Variants in GAS7 observed in about 807,000 individuals in gnomAD.
GAS7 encodes the protein growth arrest-specific protein 7.
A neutral mutation model predicts 71.1 loss-of-function variants in GAS7; 28 were observed. The observed-to-expected ratio is 0.39, with a 90% confidence interval of 0.29 to 0.54. The LOEUF is 0.54. Among genes scored for constraint, GAS7 ranks in the 20% least tolerant of loss-of-function variants. The probability of loss-of-function intolerance (pLI) is 0.62; values close to 1 mark genes in which losing one functional copy is unlikely to be tolerated. For synonymous variants in GAS7, 258 were observed against 245.8 expected, an observed-to-expected ratio of 1.05 and a Z score of -0.46; for missense variants, 436 against 627.8, an observed-to-expected ratio of 0.69 and a Z score of 3.27.
intron 5 of GAS7, among the ~76,000 whole-genome samples, chr17:9,954,432 C>T (rs544350146): frequency 3.4e-4 from 50 of 147,768 alleles, no homozygotes; most frequent in Non-Finnish European, 6.1e-4. Flanking sequence ...GGAGGGAGAA[C>T]GTGACTGTGG....
chr17:10,123,958 C>T (rs2073924559), intron 1 of GAS7, among the ~76,000 whole-genome samples: 1 of 152,254 alleles, frequency 6.6e-6, no homozygotes, highest in African/African-American at 2.4e-5. Context: ...GGCAGGCAGC[C>T]AGGGCCCACT....
At chr17:10,137,996 T>A (rs1473155553) in intron 1 of GAS7, among the ~76,000 whole-genome samples, 1 of 151,382 alleles carries the variant, frequency 6.6e-6, no homozygotes, top group Non-Finnish European at 1.5e-5. Flanking sequence ...GAGTCTTGCT[T>A]CTGTTGCCCA....
chr17:10,119,361 G>A (rs993325934), intron 1 of GAS7, among the ~76,000 whole-genome samples: 4 of 152,294 alleles, frequency 2.6e-5, no homozygotes, highest in African/African-American at 7.2e-5. Context: ...AGTGCTCACC[G>A]TGGGCCTGGC....
intron 2 of GAS7, among the ~76,000 whole-genome samples, chr17:10,005,042 C>CATATATATATATATATAT (rs370673273): frequency 0.016 from 2,290 of 144,820 alleles, 27 homozygotes; most frequent in South Asian, 0.038. Flanking sequence ...TATATACATA[C>CATATATATATATATATAT]ATATATATAC....
intron 1 of GAS7, among the ~76,000 whole-genome samples, chr17:10,118,749 TCTTAA>T (rs1230188550): frequency 4.7e-5 from 7 of 148,876 alleles, no homozygotes; most frequent in Non-Finnish European, 3.0e-5. Context: ...CTCTGGGCTG[TCTTAA>T]CTTATCAGGG....
chr17:10,166,936 G>A (rs187325901), intron 1 of GAS7, among the ~76,000 whole-genome samples: 1 of 151,718 alleles, frequency 6.6e-6, no homozygotes, highest in African/African-American at 2.4e-5. Flanking sequence ...GTCCTTTCAC[G>A]AGCTGATGGG....
intron 2 of GAS7, among the ~76,000 whole-genome samples, chr17:10,013,213 C>T (rs908137537): frequency 2.6e-5 from 4 of 152,126 alleles, no homozygotes; most frequent in South Asian, 2.1e-4. Context: ...GGCCCACACC[C>T]GACACCAAAT....
intron 3 of GAS7, among the ~76,000 whole-genome samples, chr17:9,977,212 A>C (rs1026619984): frequency 1.3e-5 from 2 of 152,274 alleles, no homozygotes; most frequent in African/African-American, 4.8e-5. Flanking sequence ...TATTAAATTA[A>C]TGAAAAATTC....
chr17:9,980,138 C>G (rs937330197), intron 3 of GAS7, among the ~76,000 whole-genome samples: 1 of 152,088 alleles, frequency 6.6e-6, no homozygotes, highest in African/African-American at 2.4e-5. Context: ...AAACACCCAC[C>G]TTCCTATCAC....
At chr17:10,012,935 T>C (rs2071833394) in intron 2 of GAS7, among the ~76,000 whole-genome samples, 2 of 151,864 alleles carry the variant, frequency 1.3e-5, no homozygotes, top group Non-Finnish European at 2.9e-5. Flanking sequence ...ACCCCGTCTC[T>C]ACTAAAAAAT....
chr17:10,113,503 T>G (rs2073833120), intron 1 of GAS7, among the ~76,000 whole-genome samples: 2 of 152,192 alleles, frequency 1.3e-5, no homozygotes, highest in South Asian at 4.1e-4. Context: ...TCCTATTGAC[T>G]AAACTCCAAG....
intron 4 of GAS7, among the ~76,000 whole-genome samples, chr17:9,962,054 T>C (rs2069517188): frequency 6.6e-6 from 1 of 150,574 alleles, no homozygotes; most frequent in Admixed American, 6.6e-5. Context: ...ATACAAGTAA[T>C]GGCATTGAGG....
At chr17:10,146,958 C>CAAAAAAAAAAAAAAA (rs1597819214) in intron 1 of GAS7, among the ~76,000 whole-genome samples, 1 of 88,922 alleles carries the variant, frequency 1.1e-5, no homozygotes, top group Non-Finnish European at 2.9e-5. Context: ...GACTCCGTCT[C>CAAAAAAAAAAAAAAA]ATAAAAAAAA....
chr17:10,122,161 A>G (rs1292546744), intron 1 of GAS7, among the ~76,000 whole-genome samples: 4 of 152,186 alleles, frequency 2.6e-5, no homozygotes, highest in African/African-American at 9.7e-5. Context: ...TCCCGGGAGC[A>G]CACTTTTATC....
chr17:10,144,068 G>A (rs1275592303), intron 1 of GAS7, among the ~76,000 whole-genome samples: 1 of 152,212 alleles, frequency 6.6e-6, no homozygotes, highest in Non-Finnish European at 1.5e-5. Context: ...GCAGCTTGGA[G>A]CAGGGAACGG....
chr17:9,952,754 C>T (rs111552216), intron 5 of GAS7, among the ~76,000 whole-genome samples: 4,439 of 152,172 alleles, frequency 0.029, 215 homozygotes, highest in African/African-American at 0.1. Context: ...ATGCTCATCA[C>T]CGCTAATCAT....
In GAS7 at chr17:10,030,834, T is replaced by C. The variant is rs1199059512; in HGVS notation, c.184-10937A>G. On this transcript the variant is annotated intron_variant, in intron 1 of 13. Transcript: ENST00000432992. ...ATCATCAGCACCTCGCTGGCTTGAA[T>C]ATCCCACTTGCTCACATCAGACGCC... 3.3e-5 allele frequency among the ~76,000 whole-genome samples: 5 copies of C among 152,210 alleles called. No individual in the cohort carries two copies. In the East Asian group the frequency reaches 9.6e-4, roughly 29 times the overall value.
chr17:10,071,757 A>AAATAATAAT (rs148705126), intron 1 of GAS7, among the ~76,000 whole-genome samples: 121 of 150,762 alleles, frequency 8.0e-4, no homozygotes, highest in African/African-American at 2.7e-3. Context: ...AAACCCCTTC[A>AAATAATAAT]AATAATAATA....
At chr17:9,932,062 G>T (rs1465931633) in intron 9 of GAS7, among the ~76,000 whole-genome samples, 2 of 152,136 alleles carry the variant, frequency 1.3e-5, no homozygotes, top group Admixed American at 6.5e-5. Context: ...GATCAAGCAC[G>T]TGTTTAAAGA....
Sources: allele counts gnomAD v4.1 joint callset (sites outside exome capture counted in the v4.1 genomes callset), GRCh38; gene constraint gnomAD v4.1.1; transcripts MANE v1.5; gene names NCBI Gene and HGNC (gene_info 2026-07-23, HGNC 2026-07-21).